The following ANKRD42 variants were observed in gnomAD, a reference collection of about 807,000 sequenced individuals.
ANKRD42 encodes the protein ankyrin repeat domain-containing protein 42.
Under a neutral mutation model 51.5 loss-of-function variants are expected in ANKRD42, and 43 were observed. The ratio of observed to expected loss-of-function variants is 0.83; its 90% CI spans 0.65 to 1.08. The LOEUF (loss-of-function observed/expected upper bound fraction) is 1.08, where lower values mean the gene tolerates loss of function less well. ANKRD42 is among the 50% of genes least tolerant of loss of function. The pLI is 0.00. For missense variants in ANKRD42, 608 were observed against 629.3 expected (o/e 0.97, Z 0.36); for synonymous variants, 203 against 213.0 (o/e 0.95, Z 0.41).
chr11:83,256,693 A>G (rs1401016174), downstream of ANKRD42, among the ~76,000 whole-genome samples: 2 of 152,168 alleles, frequency 1.3e-5, no homozygotes, highest in Non-Finnish European at 2.9e-5. Flanking sequence ...ACCATTCCAT[A>G]GACTGCCCAC....
At chr11:83,218,381 A>G (rs1415334702) in intron 5 of ANKRD42, among the ~76,000 whole-genome samples, 1 of 152,096 alleles carries the variant, frequency 6.6e-6, no homozygotes, top group African/African-American at 2.4e-5. Flanking sequence ...TGGCTGAGAT[A>G]CCATAAATGT....
At chr11:83,241,732 A>G (rs1293202261) in intron 9 of ANKRD42, among the ~76,000 whole-genome samples, 1 of 152,150 alleles carries the variant, frequency 6.6e-6, no homozygotes, top group African/African-American at 2.4e-5. Context: ...ACAAAATCTC[A>G]GCATATAGAT....
downstream of ANKRD42, among the ~76,000 whole-genome samples, chr11:83,257,837 T>A (rs1203190349): frequency 2.0e-5 from 3 of 152,226 alleles, no homozygotes; most frequent in African/African-American, 7.2e-5. Flanking sequence ...ACACACCCTG[T>A]GGCAGAGGTT....
chr11:83,235,059 C>T (rs1035937900), intron 7 of ANKRD42, among the ~76,000 whole-genome samples: 3 of 152,196 alleles, frequency 2.0e-5, no homozygotes, highest in African/African-American at 4.8e-5. Context: ...TTTGCAAGGT[C>T]ATGTATACAT....
Position 83,247,512 on chromosome 11 carries a change from T to C in ANKRD42, c.1323-431T>C, listed in dbSNP as rs75764013. On this transcript the variant is annotated intron_variant, in intron 10 of 10. Coordinates refer to ENST00000533342, the MANE Select transcript of ANKRD42 (RefSeq NM_001300975.2). Reference sequence around the variant, plus strand: ...CTAATGTCTACAGGGTTATCTCTCTTATTTCCTTCAGGGCTTGGCTTAGAA... The same window carrying C: ...CTAATGTCTACAGGGTTATCTCTCTCATTTCCTTCAGGGCTTGGCTTAGAA... Among the ~76,000 whole-genome samples the C allele has an allele frequency of 4.8e-3, 727 of 152,318 alleles. 7 individuals are homozygous for C. The highest frequency in any genetic ancestry group is 0.017 in the African/African-American group (693 of 41,568).
chr11:83,213,553 G>T (rs992012502), intron 5 of ANKRD42: 63 of 973,168 alleles, frequency 6.5e-5, no homozygotes, highest in East Asian at 2.2e-4. Flanking sequence ...GGTATTATTA[G>T]TTTTTTTTTT....
chr11:83,195,382 C>T (rs1451761930), intron 1 of ANKRD42, among the ~76,000 whole-genome samples: 5 of 152,118 alleles, frequency 3.3e-5, no homozygotes, highest in Non-Finnish European at 5.9e-5. Context: ...TTATAAAGGA[C>T]GGTAGAATGC....
chr11:83,232,101 CT>C (rs59648047), intron 7 of ANKRD42, among the ~76,000 whole-genome samples: 238 of 140,502 alleles, frequency 1.7e-3, no homozygotes, highest in Non-Finnish European at 2.3e-3. Flanking sequence ...TAAATTTTAG[CT>C]TTTTTTTTTT....
At position 83,211,445 on chromosome 11, in the gene ANKRD42, G is replaced by A; in HGVS notation, c.586+15G>A. On this transcript the variant is annotated intron_variant, in intron 5 of 10. Transcript: ENST00000533342. ...AAACCTTCCAGGTATTTTAAATAAAGCAAATATTTTAGTTTTTCATTGATG... is the reference window on the plus strand; with the variant it reads ...AAACCTTCCAGGTATTTTAAATAAAACAAATATTTTAGTTTTTCATTGATG... 1 of 1,611,222 alleles carries A rather than the reference G, an allele frequency of 6.2e-7. No homozygotes were observed. Among genetic ancestry groups the A allele is most frequent in the South Asian group, 1.1e-5 (1 of 90,344 alleles).
intron 7 of ANKRD42, among the ~76,000 whole-genome samples, chr11:83,234,782 CTG>C (rs1279153276): frequency 6.6e-6 from 1 of 152,092 alleles, no homozygotes; most frequent in East Asian, 1.9e-4. Flanking sequence ...CCTGAAGTTT[CTG>C]TGTTAGTGGG....
At chr11:83,228,252 T>TTTTTTTTTTTTTTTTTTTTTTTTTTTTTC (rs1862958000) in intron 7 of ANKRD42, among the ~76,000 whole-genome samples, 1 of 129,462 alleles carries the variant, frequency 7.7e-6, no homozygotes, top group Admixed American at 7.9e-5. Context: ...TTTTTTTTTT[T>TTTTTTTTTTTTTTTTTTTTTTTTTTTTTC]TTTTTTTTTT....
At chr11:83,205,084 G>A (rs558955053) in intron 2 of ANKRD42, among the ~76,000 whole-genome samples, 5 of 152,176 alleles carry the variant, frequency 3.3e-5, no homozygotes, top group Non-Finnish European at 5.9e-5. Flanking sequence ...GTACAGCCAC[G>A]TTAGAAAACA....
Position 83,224,947 on chromosome 11 carries a change from G to T in ANKRD42, c.679G>T (p.Asp227Tyr). The T allele has an allele frequency of 6.2e-7, 1 of 1,613,604 alleles. No individual in the cohort carries two copies. ...GACGCAAGTTTTAAAAGCTTTCAAT[G>T]ATAATGGAGAAAATGTACTGGATTT... ...SATQVLKAFN[D>Y]NGENVLDLAQ... The change falls in exon 6 of 11, where the codon GAT becomes TAT. Residue 227 changes from aspartate to tyrosine, a missense_variant. Asp to Tyr is a radical substitution (Grantham distance 160). Coordinates refer to ENST00000533342, the MANE Select transcript of ANKRD42 (RefSeq NM_001300975.2).
chr11:83,259,541 C>T (rs971257399), downstream of ANKRD42: 26 of 152,082 alleles, frequency 1.7e-4, no homozygotes, highest in African/African-American at 5.8e-4. Context: ...TGAGAAGGTC[C>T]AATAAATGGC....
chr11:83,258,780 A>G (rs1863818501), downstream of ANKRD42, among the ~76,000 whole-genome samples: 1 of 148,252 alleles, frequency 6.7e-6, no homozygotes, highest in African/African-American at 2.4e-5. Flanking sequence ...TTACATATCC[A>G]AATTCTTCAA....
chr11:83,244,555 T>C (rs1425241935), intron 9 of ANKRD42, among the ~76,000 whole-genome samples: 5 of 152,162 alleles, frequency 3.3e-5, no homozygotes, highest in African/African-American at 1.2e-4. Flanking sequence ...CACTGTGAGA[T>C]GTTTAGTAGC....
intron 5 of ANKRD42, among the ~76,000 whole-genome samples, chr11:83,216,426 G>T (rs898094267): frequency 6.6e-6 from 1 of 151,818 alleles, no homozygotes; most frequent in East Asian, 1.9e-4. Flanking sequence ...TGGGGTTCAC[G>T]CCATTCTCCT....
At chr11:83,208,789 A>G (rs1590970407) in intron 3 of ANKRD42, among the ~76,000 whole-genome samples, 1 of 152,182 alleles carries the variant, frequency 6.6e-6, no homozygotes, top group Non-Finnish European at 1.5e-5. Context: ...TAGGTCATCC[A>G]GGTAGAGAGG....
chr11:83,204,202 C>G (rs962419252), intron 2 of ANKRD42, among the ~76,000 whole-genome samples: 1 of 152,158 alleles, frequency 6.6e-6, no homozygotes, highest in African/African-American at 2.4e-5. Flanking sequence ...CACAGCCTCC[C>G]AAAATGCTGA....
Sources: gnomAD v4.1 joint callset for allele counts (sites outside exome capture counted in the v4.1 genomes callset) on GRCh38, gnomAD v4.1.1 for gene constraint, MANE v1.5 for transcripts, NCBI Gene and HGNC (gene_info 2026-07-23, HGNC 2026-07-21) for gene names.